Variants in PTGR3 observed in about 807,000 individuals in gnomAD.
PTGR3 encodes the protein prostaglandin reductase 3, also known as zinc binding alcohol dehydrogenase domain containing 2.
the PTGR3 span, chr18:75,202,209 C>G: frequency 1.2e-6 from 2 of 1,614,170 alleles, no homozygotes; most frequent in South Asian, 1.1e-5. Flanking sequence ...AACTGTGTAT[C>G]TGGCACTAGC....
chr18:75,198,512 T>C, the PTGR3 span: 2 of 152,070 alleles, frequency 1.3e-5, no homozygotes, highest in East Asian at 3.9e-4. Context: ...TTGCAAACTA[T>C]TCCCTGAATT....
chr18:75,197,876 G>C, the PTGR3 span: 1 of 150,554 alleles, frequency 6.6e-6, no homozygotes, highest in East Asian at 1.9e-4. Context: ...GGAAATTACT[G>C]TCCAAAGTTG....
At chr18:75,203,390 G>A in the PTGR3 span, among the ~76,000 whole-genome samples, 2 of 152,186 alleles carry the variant, frequency 1.3e-5, no homozygotes, top group Admixed American at 6.5e-5. Flanking sequence ...GAGGAAAGCC[G>A]TTAAGCAGGT....
At chr18:75,199,136 T>C in the PTGR3 span, 1 of 152,676 alleles carries the variant, frequency 6.5e-6, no homozygotes, top group East Asian at 1.9e-4. Flanking sequence ...TTTCAGATTA[T>C]ATTTTATTTT....
At chr18:75,198,196 ATG>A in the PTGR3 span, 1 of 152,244 alleles carries the variant, frequency 6.6e-6, no homozygotes, top group Non-Finnish European at 1.5e-5. Context: ...TAAGGCAGGC[ATG>A]TGTCTTAAAT....
At chr18:75,195,427 T>G in the PTGR3 span, 1 of 152,106 alleles carries the variant, frequency 6.6e-6, no homozygotes, top group African/African-American at 2.4e-5. Flanking sequence ...CCCGGGCAGA[T>G]GGTAAAGGGG....
chr18:75,201,110 T>C, the PTGR3 span: 5 of 345,728 alleles, frequency 1.4e-5, no homozygotes, highest in Admixed American at 8.8e-5. Flanking sequence ...CGATCAGATC[T>C]GGCATCAGGA....
chr18:75,204,807 C>T, the PTGR3 span, among the ~76,000 whole-genome samples: 1 of 152,138 alleles, frequency 6.6e-6, no homozygotes, highest in Admixed American at 6.5e-5. Flanking sequence ...CGCCCTTCGT[C>T]CCAGCGCCGG....
the PTGR3 span, chr18:75,197,334 CTTAT>C: frequency 2.0e-5 from 3 of 152,264 alleles, no homozygotes; most frequent in South Asian, 4.1e-4. Flanking sequence ...CCATGATGTG[CTTAT>C]TTATTTCACA....
chr18:75,205,804 CG>C, the PTGR3 span, among the ~76,000 whole-genome samples: 2 of 121,370 alleles, frequency 1.6e-5, no homozygotes, highest in Non-Finnish European at 3.4e-5. Context: ...AGAAAAAAAG[CG>C]GGGGGGAGGG....
chr18:75,202,038 G>T, the PTGR3 span: 7 of 1,614,028 alleles, frequency 4.3e-6, no homozygotes, highest in South Asian at 5.5e-5. Context: ...TTTCCCTTCC[G>T]ACAGTCCTCC....
At chr18:75,208,748 G>T in the PTGR3 span, 1 of 1,124,784 alleles carries the variant, frequency 8.9e-7, no homozygotes, top group Non-Finnish European at 1.1e-6. Flanking sequence ...GCGCGCGCCG[G>T]AGTGTGGGCA....
At chr18:75,205,274 G>A in the PTGR3 span, 2,467 of 985,704 alleles carry the variant, frequency 2.5e-3, 94 homozygotes, top group South Asian at 0.083. Context: ...CGAATGCGGG[G>A]CTCGGGATGG....
the PTGR3 span, among the ~76,000 whole-genome samples, chr18:75,206,176 A>G: frequency 6.6e-6 from 1 of 152,236 alleles, no homozygotes. Context: ...TATACATTCT[A>G]TAGGGATTTT....
the PTGR3 span, chr18:75,208,328 G>T: frequency 8.1e-6 from 8 of 986,274 alleles, no homozygotes; most frequent in Non-Finnish European, 9.6e-6. Flanking sequence ...CACATCCAAC[G>T]ACAGGCTCCG....
chr18:75,202,449 GCTATACA>G, the PTGR3 span: 3 of 972,422 alleles, frequency 3.1e-6, no homozygotes, highest in Non-Finnish European at 4.5e-6. Flanking sequence ...GGGTTGCTAA[GCTATACA>G]ATCTGATCGA....
the PTGR3 span, chr18:75,200,359 G>C: frequency 6.6e-6 from 1 of 152,250 alleles, no homozygotes; most frequent in Admixed American, 6.5e-5. Context: ...AACACGTGGA[G>C]AGAAAAATGG....
chr18:75,197,061 C>G, the PTGR3 span: 4 of 151,626 alleles, frequency 2.6e-5, no homozygotes, highest in African/African-American at 9.7e-5. Context: ...CTTTTGCCAA[C>G]ATTCCATAGT....
chr18:75,198,219 G>A, the PTGR3 span: 1 of 152,214 alleles, frequency 6.6e-6, no homozygotes, highest in Non-Finnish European at 1.5e-5. Context: ...GATATCATTT[G>A]TCAAGCTTCC....
Sources: allele counts gnomAD v4.1 joint callset (sites outside exome capture counted in the v4.1 genomes callset), GRCh38; gene constraint gnomAD v4.1.1; transcripts MANE v1.5; gene names NCBI Gene and HGNC (gene_info 2026-07-23, HGNC 2026-07-21).